NR6A1: variants seen among roughly 807,000 people sequenced by gnomAD.
NR6A1 encodes the protein retinoic acid receptor-related testis-associated receptor.
In NR6A1, 7 loss-of-function variants were observed where a neutral mutation model predicts 59.1. The observed-to-expected ratio is 0.12, with a 90% CI of 0.07 to 0.22. The LOEUF is 0.22. Ranked by LOEUF, NR6A1 falls within the 10% of genes least tolerant of loss-of-function variation. The pLI, the probability that NR6A1 is intolerant of heterozygous loss-of-function variation, is 1.00. For missense variants in NR6A1, 468 were observed against 611.6 expected, an observed-to-expected ratio of 0.77 and a Z score of 2.48; for synonymous variants, 243 against 236.1, an observed-to-expected ratio of 1.03 and a Z score of -0.27.
chr9:124,576,967 G>A (rs1362871149), intron 2 of NR6A1, among the ~76,000 whole-genome samples: 1 of 152,100 alleles, frequency 6.6e-6, no homozygotes, highest in Non-Finnish European at 1.5e-5. Context: ...GAGGTGGGAG[G>A]ATCACTTGAG....
chr9:124,723,746 T>G (rs1043931168), intron 2 of NR6A1, among the ~76,000 whole-genome samples: 1 of 152,242 alleles, frequency 6.6e-6, no homozygotes, highest in Non-Finnish European at 1.5e-5. Flanking sequence ...TACATTCACT[T>G]AATCCTCACA....
At chr9:124,547,047 T>C (rs904224130) in intron 3 of NR6A1, among the ~76,000 whole-genome samples, 1 of 152,246 alleles carries the variant, frequency 6.6e-6, no homozygotes, top group Non-Finnish European at 1.5e-5. Context: ...CTAAAATCTA[T>C]TTGGCAGTGA....
intron 2 of NR6A1, among the ~76,000 whole-genome samples, chr9:124,691,739 A>C (rs1838551892): frequency 6.6e-6 from 1 of 152,210 alleles, no homozygotes; most frequent in South Asian, 2.1e-4. Context: ...TAGCTTGTGG[A>C]CTATCACTAA....
At chr9:124,613,255 A>G (rs1835805277) in intron 2 of NR6A1, among the ~76,000 whole-genome samples, 1 of 152,184 alleles carries the variant, frequency 6.6e-6, no homozygotes. Context: ...GGACCAATTA[A>G]GCCCAGAAGT....
At chr9:124,643,703 T>C (rs1836838700) in intron 2 of NR6A1, among the ~76,000 whole-genome samples, 1 of 141,388 alleles carries the variant, frequency 7.1e-6, no homozygotes, top group Non-Finnish European at 1.5e-5. Context: ...AGCCCAGGAG[T>C]CTGAGGCACC....
At chr9:124,551,581 C>T (rs906801612) in intron 3 of NR6A1, among the ~76,000 whole-genome samples, 1 of 152,120 alleles carries the variant, frequency 6.6e-6, no homozygotes, top group African/African-American at 2.4e-5. Context: ...TTGTTTTTAG[C>T]CTTACAGTAT....
At position 124,518,765 on chromosome 9, in the gene NR6A1, T is replaced by A. The variant is rs1488041742; in HGVS notation, c.*3940A>T. ...TTTTGTTTGTTTTTTGGGTTTTTTT[T>A]TTTTTTACTTTAAAAAAATCAATTA... On this transcript the variant is annotated 3_prime_UTR_variant, in exon 10 of 10. Transcript: ENST00000487099. 1 of 151,166 alleles carries A rather than the reference T, an allele frequency of 6.6e-6. No individual in the cohort carries two copies. Among genetic ancestry groups the A allele is most frequent in the African/African-American group, 2.4e-5 (1 of 41,264 alleles). The allele number at this position is 151,166 out of a possible 1,614,324, so 9.4% of individuals were successfully genotyped here.
At chr9:124,586,637 C>T (rs889525678) in intron 2 of NR6A1, among the ~76,000 whole-genome samples, 67 of 151,970 alleles carry the variant, frequency 4.4e-4, no homozygotes, top group African/African-American at 1.5e-3. Context: ...TCAGTAGAGA[C>T]GAGGTCTCAC....
chr9:124,533,758 C>T (rs947268869), intron 7 of NR6A1, among the ~76,000 whole-genome samples: 2 of 151,920 alleles, frequency 1.3e-5, no homozygotes, highest in Non-Finnish European at 2.9e-5. Context: ...TCACGCCATT[C>T]TCCTGTCTCA....
At chr9:124,649,121 G>A (rs1837022865) in intron 2 of NR6A1, among the ~76,000 whole-genome samples, 1 of 148,114 alleles carries the variant, frequency 6.8e-6, no homozygotes, top group African/African-American at 2.5e-5. Context: ...AACCTCAAAA[G>A]ACCCCAAATA....
chr9:124,673,427 G>A (rs1837854729), intron 2 of NR6A1, among the ~76,000 whole-genome samples: 1 of 152,012 alleles, frequency 6.6e-6, no homozygotes, highest in Non-Finnish European at 1.5e-5. Context: ...ATCTCAGGTG[G>A]TAAAGAAAAT....
At chr9:124,555,051 G>A (rs1020631661) in intron 2 of NR6A1, among the ~76,000 whole-genome samples, 3 of 152,134 alleles carry the variant, frequency 2.0e-5, no homozygotes, top group Non-Finnish European at 2.9e-5. Context: ...TCTATCCTGG[G>A]AACTGCTGTA....
chr9:124,718,589 C>T (rs916664083), intron 2 of NR6A1, among the ~76,000 whole-genome samples: 3 of 152,064 alleles, frequency 2.0e-5, no homozygotes, highest in African/African-American at 7.2e-5. Flanking sequence ...TTTTTAAATG[C>T]ATGTCTTTTT....
chr9:124,549,684 T>C (rs774753147), intron 3 of NR6A1, among the ~76,000 whole-genome samples: 69 of 152,314 alleles, frequency 4.5e-4, no homozygotes, highest in Non-Finnish European at 7.2e-4. Context: ...ATTTTTTTAA[T>C]AGTTAATTTT....
intron 2 of NR6A1, among the ~76,000 whole-genome samples, chr9:124,570,946 A>G (rs949255505): frequency 6.6e-6 from 1 of 152,174 alleles, no homozygotes; most frequent in Admixed American, 6.5e-5. Flanking sequence ...ACATTTACTC[A>G]CTGAATAAAT....
chr9:124,729,606 C>T (rs145627711), intron 2 of NR6A1, among the ~76,000 whole-genome samples: 1 of 151,972 alleles, frequency 6.6e-6, no homozygotes, highest in Non-Finnish European at 1.5e-5. Context: ...ATTAAATAAA[C>T]AAAAGTCAAA....
rs916022609 is a variant in NR6A1, at chr9:124,520,293, C to T, written c.*2412G>A. 1.3e-5 allele frequency: 2 copies of T among 152,176 alleles called. No homozygotes were observed. The highest frequency in any genetic ancestry group is 4.8e-5 in the African/African-American group (2 of 41,424). The allele number at this position is 152,176 out of a possible 1,614,324, so 9.4% of individuals were successfully genotyped here. A position where few individuals can be genotyped will look rare whatever the true frequency, so the allele number is the denominator to read the frequency against. ...GGTGCAGAAGACATTAAAGACGGTC[C>T]ACAGGTCAGGCTCCGGCTCGGAACA... On this transcript the variant is annotated 3_prime_UTR_variant, in exon 10 of 10. Transcript: ENST00000487099.
intron 2 of NR6A1, among the ~76,000 whole-genome samples, chr9:124,556,249 G>C (rs1833920845): frequency 6.6e-6 from 1 of 152,156 alleles, no homozygotes; most frequent in South Asian, 2.1e-4. Flanking sequence ...TAAGACAGAG[G>C]CAGAGGAAGA....
chr9:124,634,314 T>C (rs1481636427), intron 2 of NR6A1, among the ~76,000 whole-genome samples: 1 of 152,236 alleles, frequency 6.6e-6, no homozygotes, highest in Admixed American at 6.5e-5. Flanking sequence ...AGTGAAACTA[T>C]ATGTGATTTA....
Sources: allele counts gnomAD v4.1 joint callset (sites outside exome capture counted in the v4.1 genomes callset), GRCh38; gene constraint gnomAD v4.1.1; transcripts MANE v1.5; gene names NCBI Gene and HGNC (gene_info 2026-07-23, HGNC 2026-07-21).